The following TAF4B variants were observed in gnomAD, a reference collection of about 807,000 sequenced individuals.
TAF4B encodes the protein transcription initiation factor TFIID subunit 4B.
Under a neutral mutation model 86.4 loss-of-function variants are expected in TAF4B, and 38 were observed. The observed-to-expected ratio is 0.44, with a 90% CI of 0.34 to 0.58. The LOEUF is 0.58. TAF4B is among the 20% of genes least tolerant of loss of function. The pLI is 0.02. For missense variants in TAF4B, 988 were observed against 1,027.6 expected (o/e 0.96, Z 0.53); for synonymous variants, 388 against 391.2 (o/e 0.99, Z 0.10).
chr18:26,269,859 A>T (rs2056290707), intron 3 of TAF4B, among the ~76,000 whole-genome samples: 1 of 152,152 alleles, frequency 6.6e-6, no homozygotes, highest in South Asian at 2.1e-4. Flanking sequence ...AACTGTTCTT[A>T]ATGACCTATG....
At position 26,326,384 on chromosome 18, in the gene TAF4B, A is replaced by G. The variant is rs1033199048; in HGVS notation, c.2134-631A>G. ...CTGTCATTTATAAATTGTATACTAAATTTCTTTGACCACAGTTTCTGTCCA... is the reference window on the plus strand; with the variant it reads ...CTGTCATTTATAAATTGTATACTAAGTTTCTTTGACCACAGTTTCTGTCCA... On this transcript the variant is annotated intron_variant, in intron 11 of 14. Coordinates refer to ENST00000269142, the MANE Select transcript of TAF4B (RefSeq NM_005640.3). Among the ~76,000 whole-genome samples the G allele has an allele frequency of 3.0e-4, 46 of 152,210 alleles. 1 individual carries two copies. The highest frequency in any genetic ancestry group is 7.3e-5 in the Non-Finnish European group (5 of 68,034).
At chr18:26,284,971 A>T (rs530507632) in intron 6 of TAF4B, among the ~76,000 whole-genome samples, 14 of 151,984 alleles carry the variant, frequency 9.2e-5, no homozygotes, top group East Asian at 1.9e-4. Context: ...ATTTTTATTT[A>T]AAAAAATTTT....
At chr18:26,239,383 G>A (rs1381606276) in intron 1 of TAF4B, among the ~76,000 whole-genome samples, 4 of 152,102 alleles carry the variant, frequency 2.6e-5, no homozygotes, top group Non-Finnish European at 4.4e-5. Flanking sequence ...CTGCATAAAT[G>A]TCTTCTTTTG....
At chr18:26,364,195 T>G (rs756381485) in intron 14 of TAF4B, among the ~76,000 whole-genome samples, 5 of 152,158 alleles carry the variant, frequency 3.3e-5, no homozygotes, top group Non-Finnish European at 5.9e-5. Context: ...AGCTGCTATC[T>G]CCTTATGTTA....
At chr18:26,262,795 T>C (rs2056188076) in intron 1 of TAF4B, among the ~76,000 whole-genome samples, 1 of 152,128 alleles carries the variant, frequency 6.6e-6, no homozygotes, top group Admixed American at 6.6e-5. Context: ...TCCAAAAACT[T>C]TGAATGATTG....
At chr18:26,305,722 CT>C (rs1047060929) in intron 9 of TAF4B, among the ~76,000 whole-genome samples, 1 of 152,118 alleles carries the variant, frequency 6.6e-6, no homozygotes, top group African/African-American at 2.4e-5. Context: ...GTTATAACAT[CT>C]TTATTTATTT....
At chr18:26,311,641 A>G (rs1416462018) in intron 9 of TAF4B, among the ~76,000 whole-genome samples, 1 of 152,176 alleles carries the variant, frequency 6.6e-6, no homozygotes, top group Admixed American at 6.5e-5. Context: ...AAAAACAAGC[A>G]TAGGAAGTTG....
intron 13 of TAF4B, among the ~76,000 whole-genome samples, chr18:26,342,957 A>G (rs1164029554): frequency 6.6e-6 from 1 of 152,230 alleles, no homozygotes; most frequent in African/African-American, 2.4e-5. Context: ...AATTCTGGCT[A>G]TTAAAGAGTT....
chr18:26,233,610 A>G (rs1220657972), intron 1 of TAF4B, among the ~76,000 whole-genome samples: 1 of 152,206 alleles, frequency 6.6e-6, no homozygotes, highest in Non-Finnish European at 1.5e-5. Context: ...CGCTGCATGC[A>G]TAAAGGGGCT....
At chr18:26,383,229 C>T (rs1978300883) in intron 14 of TAF4B, among the ~76,000 whole-genome samples, 2 of 152,094 alleles carry the variant, frequency 1.3e-5, no homozygotes. Flanking sequence ...AGCAAGAAAA[C>T]AATTTTGTCA....
intron 14 of TAF4B, among the ~76,000 whole-genome samples, chr18:26,387,640 A>G (rs879286563): frequency 1.3e-5 from 2 of 152,174 alleles, no homozygotes; most frequent in Admixed American, 6.5e-5. Context: ...ATTCATTACC[A>G]AGAACCCTGC....
intron 9 of TAF4B, among the ~76,000 whole-genome samples, chr18:26,305,606 C>T (rs929899517): frequency 6.6e-6 from 1 of 152,122 alleles, no homozygotes; most frequent in African/African-American, 2.4e-5. Context: ...GGGGTTTCAT[C>T]ATGTTGGCCA....
chr18:26,307,822 G>A (rs982789198), intron 9 of TAF4B, among the ~76,000 whole-genome samples: 1 of 152,076 alleles, frequency 6.6e-6, no homozygotes. Context: ...TGTATTACGA[G>A]TCTGTTTGTC....
At chr18:26,296,276 G>A (rs1448083857) in intron 9 of TAF4B, among the ~76,000 whole-genome samples, 2 of 151,606 alleles carry the variant, frequency 1.3e-5, no homozygotes, top group Non-Finnish European at 2.9e-5. Flanking sequence ...TCTCCTTTTT[G>A]CCTTTTATTC....
At chr18:26,367,638 C>T (rs937235302) in intron 14 of TAF4B, among the ~76,000 whole-genome samples, 8 of 152,238 alleles carry the variant, frequency 5.3e-5, no homozygotes, top group Admixed American at 3.9e-4. Flanking sequence ...AATGTTTTAC[C>T]AGCTATCTGG....
At chr18:26,293,659 G>T (rs2056625204) in intron 9 of TAF4B, 128 bp downstream of exon 9, 1 of 568,812 alleles carries the variant, frequency 1.8e-6, no homozygotes, top group East Asian at 3.3e-5. Context: ...GTACTTTATT[G>T]AGTATAATTT....
chr18:26,332,353 A>G (rs775305178), intron 12 of TAF4B, among the ~76,000 whole-genome samples: 6 of 152,078 alleles, frequency 3.9e-5, no homozygotes, highest in African/African-American at 7.2e-5. Flanking sequence ...CTTCTTCACA[A>G]CAGTTGTTTT....
At chr18:26,275,228 T>C (rs2056370347) in intron 5 of TAF4B, among the ~76,000 whole-genome samples, 175 bp downstream of exon 5, 1 of 152,256 alleles carries the variant, frequency 6.6e-6, no homozygotes, top group African/African-American at 2.4e-5. Flanking sequence ...TGATCTAGGC[T>C]GACTGCAACC....
At chr18:26,321,391 A>G (rs1387157824) in intron 11 of TAF4B, among the ~76,000 whole-genome samples, 191 bp downstream of exon 11, 1 of 152,176 alleles carries the variant, frequency 6.6e-6, no homozygotes, top group Admixed American at 6.5e-5. Flanking sequence ...GTTTAAAATG[A>G]TATTAAAAGC....
Sources: gnomAD v4.1 joint callset for allele counts (sites outside exome capture counted in the v4.1 genomes callset) on GRCh38, gnomAD v4.1.1 for gene constraint, MANE v1.5 for transcripts, NCBI Gene and HGNC (gene_info 2026-07-23, HGNC 2026-07-21) for gene names.